Variants in PPP1R9A observed in about 807,000 individuals in gnomAD.
PPP1R9A encodes protein phosphatase 1 regulatory subunit 9A.
Under a neutral mutation model 141.9 loss-of-function variants are expected in PPP1R9A, and 59 were observed. The ratio of observed to expected loss-of-function variants is 0.42; its 90% CI spans 0.34 to 0.52. PPP1R9A has a LOEUF of 0.52. Among genes scored for constraint, PPP1R9A ranks in the 20% least tolerant of loss-of-function variants. The pLI, the probability that PPP1R9A is intolerant of heterozygous loss-of-function variation, is 0.10. For synonymous variants in PPP1R9A, 500 were observed against 569.7 expected (o/e 0.88, Z 1.74); for missense variants, 1,444 against 1,611.9 (o/e 0.90, Z 1.78).
intron 4 of PPP1R9A, among the ~76,000 whole-genome samples, chr7:95,139,409 T>G (rs1455529158): frequency 6.6e-6 from 1 of 152,172 alleles, no homozygotes; most frequent in Non-Finnish European, 1.5e-5. Context: ...GATTATGAGA[T>G]TACAATTTAA....
intron 2 of PPP1R9A, among the ~76,000 whole-genome samples, chr7:94,965,874 G>C (rs772550087): frequency 1.3e-5 from 2 of 152,016 alleles, no homozygotes; most frequent in East Asian, 1.9e-4. Flanking sequence ...ATGGTAGCTT[G>C]ATGGGGATGG....
chr7:95,286,662 A>C (rs548810269), intron 18 of PPP1R9A, among the ~76,000 whole-genome samples: 6 of 152,182 alleles, frequency 3.9e-5, no homozygotes, highest in African/African-American at 1.4e-4. Context: ...CTCCCCTGAC[A>C]ACCACACTCA....
chr7:95,277,757 A>G, intron 16 of PPP1R9A, among the ~76,000 whole-genome samples: 1 of 152,240 alleles, frequency 6.6e-6, no homozygotes, highest in East Asian at 1.9e-4. Context: ...GCAGCATAGC[A>G]GATAACAAAA....
intron 4 of PPP1R9A, among the ~76,000 whole-genome samples, chr7:95,149,783 C>T (rs377392343): frequency 1.3e-4 from 19 of 151,204 alleles, no homozygotes; most frequent in East Asian, 9.6e-4. Flanking sequence ...TTCTTCCCTA[C>T]TTAATCTAAA....
In PPP1R9A at chr7:95,285,265, T is replaced by C. The variant is rs1585639223; in HGVS notation, c.3609+935T>C. On this transcript the variant is annotated intron_variant, in intron 17 of 19. Transcript: ENST00000433360. Reference sequence around the variant, plus strand: ...CTAAGGAAATGCAATAGAAACAAGATGGTGTTGGTCAAGTGCTTAGAGTTC... The same window carrying C: ...CTAAGGAAATGCAATAGAAACAAGACGGTGTTGGTCAAGTGCTTAGAGTTC... 2.0e-5 allele frequency among the ~76,000 whole-genome samples: 3 copies of C among 152,328 alleles called. No individual in the cohort carries two copies. The South Asian group carries it at 6.2e-4, about 32-fold the overall frequency.
intron 2 of PPP1R9A, among the ~76,000 whole-genome samples, chr7:94,937,971 G>A (rs1263864392): frequency 2.0e-5 from 3 of 152,150 alleles, no homozygotes; most frequent in Non-Finnish European, 4.4e-5. Flanking sequence ...TACCATCAGA[G>A]TTTTCAATCT....
At chr7:95,249,984 AAGTG>A in intron 9 of PPP1R9A, 38 bp from the exon 10 acceptor site, 1 of 1,509,028 alleles carries the variant, frequency 6.6e-7, no homozygotes, top group Non-Finnish European at 8.8e-7. Context: ...TTTGCCACAA[AAGTG>A]GCCAAATTAT....
rs549897231 is a variant in PPP1R9A at position 95,264,331 on chromosome 7, G to A, written c.2666-4219G>A. ...GCTGTTTCTGAGTGGGTTAGTGCAC[G>A]TAACTGCGGAGCAGACCCCATTGTT... On this transcript the variant is annotated intron_variant, in intron 12 of 19. Transcript: ENST00000433360. 2.8e-4 allele frequency among the ~76,000 whole-genome samples: 43 copies of A among 152,260 alleles called. 1 individual carries two copies. In the South Asian group the frequency reaches 6.6e-3, roughly 24 times the overall value.
intron 3 of PPP1R9A, among the ~76,000 whole-genome samples, chr7:95,115,292 T>C (rs1481409880): frequency 6.6e-6 from 1 of 152,132 alleles, no homozygotes; most frequent in Non-Finnish European, 1.5e-5. Flanking sequence ...TGCCCAGAAA[T>C]AATTTATGTC....
intron 2 of PPP1R9A, among the ~76,000 whole-genome samples, chr7:94,981,975 A>AC (rs990575377): frequency 1.4e-5 from 2 of 139,714 alleles, no homozygotes; most frequent in African/African-American, 5.4e-5. Flanking sequence ...CCCTCCCCCA[A>AC]CCCCCCACCC....
intron 2 of PPP1R9A, among the ~76,000 whole-genome samples, chr7:94,931,927 G>GATGGTAA: frequency 6.6e-6 from 1 of 152,166 alleles, no homozygotes; most frequent in East Asian, 1.9e-4. Context: ...AGAGTGTTTG[G>GATGGTAA]ATGGTAAATG....
At chr7:95,070,736 G>A (rs1378835504) in intron 2 of PPP1R9A, among the ~76,000 whole-genome samples, 1 of 151,214 alleles carries the variant, frequency 6.6e-6, no homozygotes, top group Non-Finnish European at 1.5e-5. Context: ...ATTATTTGGA[G>A]CATTTTGTCA....
chr7:95,283,929 A>G, intron 16 of PPP1R9A, 89 bp from the exon 17 acceptor site: 1 of 1,129,760 alleles, frequency 8.9e-7, no homozygotes, highest in Non-Finnish European at 1.2e-6. Context: ...TCAAATTGTT[A>G]CTTCAAACTA....
chr7:95,294,424 AC>A lies in PPP1R9A; in HGVS notation c.*4126del. 1 of 150,980 alleles carries A rather than the reference AC, an allele frequency of 6.6e-6. No individual in the cohort carries two copies. Among genetic ancestry groups the A allele is most frequent in the Non-Finnish European group, 1.5e-5 (1 of 67,790 alleles). The allele number at this position is 150,980 out of a possible 1,614,324, so 9.4% of individuals were successfully genotyped here. A position where few individuals can be genotyped will look rare whatever the true frequency, so the allele number is the denominator to read the frequency against. ...GCTGGGACTACAGGCATGTGCCACC[AC>A]CCCCAGCCAAAACATCCATATTTTC... On this transcript the variant is annotated 3_prime_UTR_variant, in exon 20 of 20. Coordinates refer to ENST00000433360, the MANE Select transcript of PPP1R9A (RefSeq NM_001166160.2).
chr7:95,017,611 A>G (rs1805287079), intron 2 of PPP1R9A, among the ~76,000 whole-genome samples: 1 of 152,232 alleles, frequency 6.6e-6, no homozygotes, highest in Non-Finnish European at 1.5e-5. Context: ...GAAGCTGATT[A>G]TAAAAACTAT....
Position 95,269,278 on chromosome 7 carries a change from T to A in PPP1R9A, c.2895T>A (p.Ser965=). ...CACCTAAGGGTTTGAGAACGTCTTC[T>A]CCAGAATCAGATTCTGGTGTTCCAC... ...LLPPKGLRTS[S]PESDSGVPPL... The change falls in exon 14 of 20, where the codon TCT becomes TCA. Residue 965 remains serine, a synonymous_variant. Coordinates refer to ENST00000433360, the MANE Select transcript of PPP1R9A (RefSeq NM_001166160.2). 6.3e-7 allele frequency: 1 copy of A among 1,584,420 alleles called. No individual in the cohort carries two copies. The highest frequency in any genetic ancestry group is 8.6e-7 in the Non-Finnish European group (1 of 1,166,346).
intron 2 of PPP1R9A, among the ~76,000 whole-genome samples, chr7:94,992,603 C>G (rs1801653368): frequency 6.6e-6 from 1 of 152,134 alleles, no homozygotes; most frequent in Non-Finnish European, 1.5e-5. Flanking sequence ...TGTGAACATT[C>G]AATTTCCTTT....
At chr7:95,110,103 A>C (rs1451249401) in intron 2 of PPP1R9A, among the ~76,000 whole-genome samples, 1 of 152,158 alleles carries the variant, frequency 6.6e-6, no homozygotes, top group Non-Finnish European at 1.5e-5. Flanking sequence ...GATACTATTT[A>C]AGAAGCATGT....
At chr7:94,949,129 T>A (rs1286099900) in intron 2 of PPP1R9A, among the ~76,000 whole-genome samples, 5 of 152,184 alleles carry the variant, frequency 3.3e-5, no homozygotes, top group African/African-American at 9.7e-5. Context: ...CTTTGCCCAT[T>A]TCTATCCAGT....
Sources: allele counts gnomAD v4.1 joint callset (sites outside exome capture counted in the v4.1 genomes callset), GRCh38; gene constraint gnomAD v4.1.1; transcripts MANE v1.5; gene names NCBI Gene and HGNC (gene_info 2026-07-23, HGNC 2026-07-21).